Variants in KLHL29 observed in about 807,000 individuals in gnomAD.
KLHL29 encodes kelch-like protein 29.
Under a neutral mutation model 80.4 loss-of-function variants are expected in KLHL29, and 21 were observed. The observed-to-expected ratio is 0.26, with a 90% CI of 0.19 to 0.38. The LOEUF is 0.38. Among genes scored for constraint, KLHL29 ranks in the 10% least tolerant of loss-of-function variants. The pLI is 1.00. For synonymous variants in KLHL29, 511 were observed against 526.8 expected (o/e 0.97, Z 0.41); for missense variants, 867 against 1,223.9 (o/e 0.71, Z 4.35).
chr2:23,427,557 C>T (rs1267360044), intron 1 of KLHL29, among the ~76,000 whole-genome samples: 1 of 152,202 alleles, frequency 6.6e-6, no homozygotes, highest in Non-Finnish European at 1.5e-5. Flanking sequence ...TCTGCTGTGG[C>T]ATTTCATCAT....
At chr2:23,434,137 C>G (rs1415887934) in intron 1 of KLHL29, among the ~76,000 whole-genome samples, 2 of 151,824 alleles carry the variant, frequency 1.3e-5, no homozygotes, top group Non-Finnish European at 2.9e-5. Context: ...TTGGCTAACA[C>G]GGTGAAACCC....
chr2:23,621,096 C>T (rs1382143034), intron 3 of KLHL29, among the ~76,000 whole-genome samples: 3 of 152,232 alleles, frequency 2.0e-5, no homozygotes, highest in South Asian at 2.1e-4. Context: ...CTCCAAGCCC[C>T]GGTCCCCTGG....
At chr2:23,654,260 G>A (rs927841276) in intron 5 of KLHL29, among the ~76,000 whole-genome samples, 2 of 152,012 alleles carry the variant, frequency 1.3e-5, no homozygotes, top group African/African-American at 4.8e-5. Context: ...GGAGTCCAGA[G>A]CACCTTCGAG....
At chr2:23,592,689 C>T (rs1196729263) in intron 3 of KLHL29, among the ~76,000 whole-genome samples, 1 of 152,194 alleles carries the variant, frequency 6.6e-6, no homozygotes, top group Admixed American at 6.5e-5. Context: ...CTTATCTGCC[C>T]AAAAGAGAGG....
At chr2:23,630,171 T>A (rs774836356) in intron 3 of KLHL29, among the ~76,000 whole-genome samples, 1 of 152,182 alleles carries the variant, frequency 6.6e-6, no homozygotes, top group Non-Finnish European at 1.5e-5. Context: ...GCCAGGGAGA[T>A]AACAGCTAGC....
intron 5 of KLHL29, among the ~76,000 whole-genome samples, chr2:23,670,775 A>AAC (rs1407374709): frequency 6.6e-5 from 10 of 151,926 alleles, no homozygotes; most frequent in Non-Finnish European, 1.5e-4. Context: ...TGTTGCCCTA[A>AAC]ACTGACCCGG....
intron 3 of KLHL29, among the ~76,000 whole-genome samples, chr2:23,581,848 T>G (rs1203042072): frequency 2.0e-5 from 1 of 49,750 alleles, no homozygotes; most frequent in Non-Finnish European, 4.0e-5. Flanking sequence ...AAAAAAAAAC[T>G]TTTATTTGAG....
intron 3 of KLHL29, among the ~76,000 whole-genome samples, chr2:23,629,910 C>A (rs545041578): frequency 6.6e-6 from 1 of 152,092 alleles, no homozygotes; most frequent in Non-Finnish European, 1.5e-5. Context: ...GCTTGAGATC[C>A]GAGGAGAGGA....
intron 1 of KLHL29, among the ~76,000 whole-genome samples, chr2:23,474,245 G>T (rs1270802275): frequency 6.6e-6 from 1 of 152,112 alleles, no homozygotes; most frequent in Non-Finnish European, 1.5e-5. Flanking sequence ...GACACATAGA[G>T]GGAATCAATA....
At position 23,597,407 on chromosome 2, in the gene KLHL29, ATTTTTTTTTT is replaced by A. The variant is rs869224319; in HGVS notation, c.285+34949_285+34958del. Among the ~76,000 whole-genome samples the A allele has an allele frequency of 1.0e-3, 25 of 24,690 alleles. No homozygotes were observed. The East Asian group carries it at 0.021, about 21-fold the overall frequency. The allele number at this position is 24,690 out of a possible 152,430, so 16.2% of individuals were successfully genotyped here. A position where few individuals can be genotyped will look rare whatever the true frequency, so the allele number is the denominator to read the frequency against. On this transcript the variant is annotated intron_variant, in intron 3 of 13. Coordinates refer to ENST00000486442, the MANE Select transcript of KLHL29 (RefSeq NM_052920.2). ...TGTATATATATATATATATATATAT[ATTTTTTTTTT>A]TTTTTTTTTTTTTTTTTTTTTTCTG...
Position 23,639,199 on chromosome 2 carries a change from G to T in KLHL29, c.346G>T (p.Gly116Trp), listed in dbSNP as rs868566133. ...SQGLATSIRW[G>W]QTPINQSTPW... Reference sequence around the variant, plus strand: ...GGGACTGGCGACCAGCATCCGGTGGGGGCAGACGCCTATCAATCAGTCCAC... The same window carrying T: ...GGGACTGGCGACCAGCATCCGGTGGTGGCAGACGCCTATCAATCAGTCCAC... Residue 116 changes from glycine to tryptophan, a missense_variant, in exon 4 of 14, where the codon GGG becomes TGG. Physicochemically the swap from Gly to Trp is radical, Grantham distance 184. This residue lies in a region of KLHL29 where 424 missense variants were observed against 456.9 expected (regional missense o/e 0.93). Transcript: ENST00000486442. 6.5e-7 allele frequency: 1 copy of T among 1,547,460 alleles called. No homozygotes were observed. The highest frequency in any genetic ancestry group is 1.2e-5 in the South Asian group (1 of 83,156).
intron 2 of KLHL29, among the ~76,000 whole-genome samples, chr2:23,544,254 A>T (rs1026640499): frequency 3.3e-5 from 5 of 152,118 alleles, no homozygotes; most frequent in Non-Finnish European, 1.5e-5. Flanking sequence ...TTATTTACGG[A>T]GCCCTACCAG....
intron 1 of KLHL29, among the ~76,000 whole-genome samples, chr2:23,454,134 T>A (rs1663969809): frequency 6.6e-6 from 1 of 152,218 alleles, no homozygotes; most frequent in South Asian, 2.1e-4. Context: ...AACCTGTGGG[T>A]CATCTTTTGA....
intron 2 of KLHL29, among the ~76,000 whole-genome samples, chr2:23,531,094 AG>A (rs1666476516): frequency 6.6e-6 from 1 of 152,224 alleles, no homozygotes. Flanking sequence ...AGTGAGGTAG[AG>A]GGGGTAAGCT....
At chr2:23,601,469 C>T (rs1558404149) in intron 3 of KLHL29, among the ~76,000 whole-genome samples, 1 of 152,154 alleles carries the variant, frequency 6.6e-6, no homozygotes, top group African/African-American at 2.4e-5. Flanking sequence ...CATGTGTATT[C>T]AAGCCTCCCC....
chr2:23,491,951 C>CT (rs1665116454), intron 2 of KLHL29, among the ~76,000 whole-genome samples: 1 of 152,180 alleles, frequency 6.6e-6, no homozygotes, highest in Non-Finnish European at 1.5e-5. Context: ...CCCACTCGTC[C>CT]TTCCCCTCCA....
At chr2:23,497,708 A>C (rs1665310150) in intron 2 of KLHL29, among the ~76,000 whole-genome samples, 1 of 152,090 alleles carries the variant, frequency 6.6e-6, no homozygotes, top group South Asian at 2.1e-4. Context: ...TCTTTGGAGG[A>C]GAGGGGAATA....
chr2:23,490,934 AGATTTTTTTTTACCTAATAT>A (rs1373748645), intron 2 of KLHL29, among the ~76,000 whole-genome samples: 1 of 151,958 alleles, frequency 6.6e-6, no homozygotes, highest in African/African-American at 2.4e-5. Flanking sequence ...TCTTTACATC[AGATTTTTTTTTACCTAATAT>A]GATTTTTTTT....
In KLHL29 at chr2:23,561,991, G is replaced by A. The variant is rs893474460; in HGVS notation, c.-45-161G>A. Among the ~76,000 whole-genome samples, 5 of 152,246 alleles carry A rather than the reference G, an allele frequency of 3.3e-5. No individual in the cohort carries two copies. The Middle Eastern group carries it at 0.01, about 313-fold the overall frequency. ...TGTGTATTCCTTGTCTGTGAAGTGG[G>A]GCTAATTAATGATCCATGCTTTGTG... On this transcript the variant is annotated intron_variant, in intron 2 of 13. Coordinates refer to ENST00000486442, the MANE Select transcript of KLHL29 (RefSeq NM_052920.2).
Sources: allele counts gnomAD v4.1 joint callset (sites outside exome capture counted in the v4.1 genomes callset), GRCh38; gene constraint gnomAD v4.1.1; regional missense constraint gnomAD v4.1.1; transcripts MANE v1.5; gene names NCBI Gene and HGNC (gene_info 2026-07-23, HGNC 2026-07-21).